The following PDE8A variants were observed in gnomAD, a reference collection of about 807,000 sequenced individuals.
PDE8A encodes the protein phosphodiesterase 8A.
Under a neutral mutation model 105.0 loss-of-function variants are expected in PDE8A, and 59 were observed. The ratio of observed to expected loss-of-function variants is 0.56; its 90% confidence interval spans 0.46 to 0.70. PDE8A has a LOEUF of 0.70. PDE8A is among the 30% of genes least tolerant of loss of function. The pLI, the probability that PDE8A is intolerant of heterozygous loss-of-function variation, is 0.00. For synonymous variants in PDE8A, 355 were observed against 371.9 expected (o/e 0.95, Z 0.52); for missense variants, 1,014 against 1,045.9 (o/e 0.97, Z 0.42).
chr15:85,092,873 C>G (rs1346968812), intron 8 of PDE8A, among the ~76,000 whole-genome samples: 1 of 151,616 alleles, frequency 6.6e-6, no homozygotes, highest in Non-Finnish European at 1.5e-5. Context: ...TTATTGTGAG[C>G]AAGGAATAGG....
chr15:84,987,534 C>T (rs898330755), intron 1 of PDE8A, among the ~76,000 whole-genome samples: 4 of 137,894 alleles, frequency 2.9e-5, no homozygotes, highest in Admixed American at 8.1e-5. Flanking sequence ...TGTAATGGTG[C>T]GATCTCAGCT....
At chr15:85,024,107 G>A (rs1205856629) in intron 1 of PDE8A, among the ~76,000 whole-genome samples, 1 of 152,046 alleles carries the variant, frequency 6.6e-6, no homozygotes, top group African/African-American at 2.4e-5. Context: ...ACTCCTGCTG[G>A]CCCTTTAAGA....
intron 1 of PDE8A, among the ~76,000 whole-genome samples, chr15:84,985,861 T>C (rs1017491856): frequency 6.6e-6 from 1 of 152,222 alleles, no homozygotes; most frequent in Non-Finnish European, 1.5e-5. Flanking sequence ...TGGTTATTGC[T>C]CTTCAGAGCA....
intron 11 of PDE8A, among the ~76,000 whole-genome samples, chr15:85,108,205 G>A (rs1226807095): frequency 6.6e-6 from 1 of 152,176 alleles, no homozygotes; most frequent in Non-Finnish European, 1.5e-5. Context: ...GAGCCTTTTC[G>A]ATGGTGCAAA....
At chr15:85,090,429 T>C (rs2081622380) in intron 7 of PDE8A, among the ~76,000 whole-genome samples, 1 of 152,206 alleles carries the variant, frequency 6.6e-6, no homozygotes, top group Non-Finnish European at 1.5e-5. Flanking sequence ...CGTGCACAGT[T>C]TTCCCATGTA....
At chr15:85,048,062 C>G (rs2080914874) in intron 1 of PDE8A, among the ~76,000 whole-genome samples, 2 of 152,118 alleles carry the variant, frequency 1.3e-5, no homozygotes, top group Admixed American at 1.3e-4. Flanking sequence ...CAGTAGTATC[C>G]TGTAAGTCTT....
intron 11 of PDE8A, among the ~76,000 whole-genome samples, chr15:85,107,771 GTC>G (rs776289449): frequency 2.0e-4 from 31 of 152,216 alleles, no homozygotes; most frequent in Non-Finnish European, 4.6e-4. Context: ...TAAGATGTAA[GTC>G]TGGAGCTCAG....
chr15:85,049,233 G>A (rs1253075363), intron 1 of PDE8A, among the ~76,000 whole-genome samples: 2 of 152,162 alleles, frequency 1.3e-5, no homozygotes, highest in African/African-American at 2.4e-5. Flanking sequence ...TAAGTGTACG[G>A]TTGAATGGTA....
chr15:84,998,240 T>C (rs1278645338), intron 1 of PDE8A, among the ~76,000 whole-genome samples: 2 of 152,212 alleles, frequency 1.3e-5, no homozygotes, highest in East Asian at 1.9e-4. Flanking sequence ...ACTGCAAGTA[T>C]TGGTGAAGCT....
chr15:85,129,663 C>G (rs569450270), intron 20 of PDE8A, among the ~76,000 whole-genome samples: 1 of 67,978 alleles, frequency 1.5e-5, no homozygotes, highest in Non-Finnish European at 2.4e-5. Flanking sequence ...AAAAAATTAT[C>G]TTTTGGTTTT....
intron 1 of PDE8A, among the ~76,000 whole-genome samples, chr15:85,007,959 G>T (rs577097810): frequency 2.0e-5 from 3 of 152,138 alleles, no homozygotes; most frequent in Non-Finnish European, 4.4e-5. Flanking sequence ...AAAGGGAAGG[G>T]TGAGGTGGTT....
chr15:85,125,598 A>G (rs970102714), intron 19 of PDE8A, among the ~76,000 whole-genome samples: 3 of 152,168 alleles, frequency 2.0e-5, no homozygotes, highest in African/African-American at 4.8e-5. Context: ...CATTTGTAAA[A>G]TGTAATAAAT....
rs368963374 is a variant in PDE8A, at chr15:85,053,315, G to A, written c.187-11055G>A. On this transcript the variant is annotated intron_variant, in intron 1 of 21. Coordinates refer to ENST00000394553, the MANE Select transcript of PDE8A (RefSeq NM_002605.3). ...TCTTGGCAATGCAGGCTCTTTTATGGTTCCATATGAACTTTAAAGTAGTCT... is the reference window on the plus strand; with the variant it reads ...TCTTGGCAATGCAGGCTCTTTTATGATTCCATATGAACTTTAAAGTAGTCT... 4.6e-5 allele frequency among the ~76,000 whole-genome samples: 7 copies of A among 152,128 alleles called. No individual in the cohort carries two copies. The East Asian group carries it at 9.6e-4, about 21-fold the overall frequency.
intron 1 of PDE8A, among the ~76,000 whole-genome samples, chr15:85,033,526 C>T (rs1355317163): frequency 6.6e-6 from 1 of 152,128 alleles, no homozygotes; most frequent in Non-Finnish European, 1.5e-5. Context: ...AAGACTTCTA[C>T]TCTCCTGAAT....
intron 1 of PDE8A, among the ~76,000 whole-genome samples, chr15:84,986,307 A>G (rs1416952960): frequency 6.6e-6 from 1 of 152,200 alleles, no homozygotes; most frequent in Admixed American, 6.5e-5. Flanking sequence ...GCCAACCTCT[A>G]ATCGAGTGTT....
At chr15:84,996,551 A>C (rs1225993565) in intron 1 of PDE8A, among the ~76,000 whole-genome samples, 1 of 152,110 alleles carries the variant, frequency 6.6e-6, no homozygotes, top group East Asian at 1.9e-4. Flanking sequence ...TGGGCTGGGC[A>C]TGGTGGCTCA....
chr15:85,065,314 A>G (rs1408171806), intron 2 of PDE8A, among the ~76,000 whole-genome samples: 3 of 123,026 alleles, frequency 2.4e-5, no homozygotes, highest in Non-Finnish European at 3.2e-5. Flanking sequence ...GGGGAATATC[A>G]CACTCTGGGG....
intron 6 of PDE8A, among the ~76,000 whole-genome samples, chr15:85,086,044 C>G (rs2081547514): frequency 6.6e-6 from 1 of 151,318 alleles, no homozygotes; most frequent in African/African-American, 2.4e-5. Flanking sequence ...AAGAATTTAG[C>G]ATATGATTAC....
At chr15:85,038,836 A>G (rs1409654830) in intron 1 of PDE8A, among the ~76,000 whole-genome samples, 1 of 152,216 alleles carries the variant, frequency 6.6e-6, no homozygotes, top group East Asian at 1.9e-4. Flanking sequence ...AAGGTGAAAG[A>G]TAAGGCTGAG....
Sources: allele counts gnomAD v4.1 joint callset (sites outside exome capture counted in the v4.1 genomes callset), GRCh38; gene constraint gnomAD v4.1.1; transcripts MANE v1.5; gene names NCBI Gene and HGNC (gene_info 2026-07-23, HGNC 2026-07-21).